Variants in SAMD4B observed in about 807,000 individuals in gnomAD.
The protein encoded by SAMD4B is sterile alpha motif domain containing 4B.
A neutral mutation model predicts 74.5 loss-of-function variants in SAMD4B; 5 were observed. The ratio of observed to expected loss-of-function variants is 0.07; its 90% confidence interval spans 0.04 to 0.14. The LOEUF is 0.14. Ranked by LOEUF, SAMD4B falls within the 10% of genes least tolerant of loss-of-function variation. The probability of loss-of-function intolerance (pLI) is 1.00; values close to 1 mark genes in which losing one functional copy is unlikely to be tolerated. For synonymous variants in SAMD4B, 373 were observed against 374.9 expected (o/e 1.00, Z 0.06); for missense variants, 608 against 921.8 (o/e 0.66, Z 4.41).
chr19:39,369,288 ACCT>A (rs1279157372), intron 3 of SAMD4B: 1 of 291,968 alleles, frequency 3.4e-6, no homozygotes. Flanking sequence ...CAGTATGGTG[ACCT>A]CCTAGGAGTG....
At chr19:39,389,568 G>A (rs754840514), downstream of SAMD4B, 1 of 1,614,168 alleles carries the variant, frequency 6.2e-7, no homozygotes, top group Non-Finnish European at 8.5e-7. The surrounding 1 kb of genome is among the most constrained non-coding windows in gnomAD (Gnocchi z 5.3). Flanking sequence ...CGGGGGGCAG[G>A]AGGACCATGA....
chr19:39,349,203 GA>G (rs1385630162), intron 1 of SAMD4B, among the ~76,000 whole-genome samples: 1 of 152,172 alleles, frequency 6.6e-6, no homozygotes, highest in African/African-American at 2.4e-5. Context: ...TTGGGAAATG[GA>G]AGAAGTCAAA....
chr19:39,386,863 C>G, downstream of SAMD4B: 1 of 1,105,104 alleles, frequency 9.0e-7, no homozygotes. The surrounding 1 kb of genome is among the most constrained non-coding windows in gnomAD (Gnocchi z 6.1). Flanking sequence ...CTCCCACTTC[C>G]CCGCCCCCCA....
At chr19:39,390,292 A>G (rs201803043), downstream of SAMD4B, 35 of 1,611,122 alleles carry the variant, frequency 2.2e-5, no homozygotes, top group East Asian at 7.6e-4. Flanking sequence ...AATTGGGCCT[A>G]GTGGAGAAGA....
At chr19:39,382,305 A>G (rs1345620236) in intron 12 of SAMD4B, among the ~76,000 whole-genome samples, 1 of 152,178 alleles carries the variant, frequency 6.6e-6, no homozygotes, top group Non-Finnish European at 1.5e-5. Context: ...TCTCTTTACC[A>G]GCATGCTGTG....
At chr19:39,390,169 C>G (rs747366818), downstream of SAMD4B, 2 of 1,613,446 alleles carry the variant, frequency 1.2e-6, no homozygotes, top group African/African-American at 1.3e-5. Context: ...GACCTAGGAA[C>G]ATTAGTGGCT....
At chr19:39,344,510 T>C (rs1162214469) in intron 1 of SAMD4B, among the ~76,000 whole-genome samples, 2 of 152,158 alleles carry the variant, frequency 1.3e-5, no homozygotes, top group Non-Finnish European at 2.9e-5. Flanking sequence ...TCCTGAGACT[T>C]CCTCAGAACT....
intron 12 of SAMD4B, among the ~76,000 whole-genome samples, chr19:39,382,733 C>G (rs1215555365): frequency 2.6e-5 from 4 of 152,140 alleles, no homozygotes; most frequent in African/African-American, 9.7e-5. Context: ...CTACTTTGCC[C>G]CCACCTGCCT....
intron 3 of SAMD4B, among the ~76,000 whole-genome samples, chr19:39,362,687 A>G (rs566896855): frequency 6.6e-6 from 1 of 152,176 alleles, no homozygotes; most frequent in Non-Finnish European, 1.5e-5. Flanking sequence ...GGCTGTTCCT[A>G]TGGACAGGAG....
chr19:39,380,967 C>A, intron 11 of SAMD4B, 23 bp from the exon 12 acceptor site: 1 of 1,585,802 alleles, frequency 6.3e-7, no homozygotes, highest in Non-Finnish European at 8.6e-7. Context: ...TCACTACTTT[C>A]TCTCTTCCTG....
Position 39,378,736 on chromosome 19 carries a change from T to G in SAMD4B, c.1530+147T>G. Reference sequence around the variant, plus strand: ...TCCTGGCTAACACAGTGAAACCCAGTCTTTACTAAAAATACAAAAAATTAG... The same window carrying G: ...TCCTGGCTAACACAGTGAAACCCAGGCTTTACTAAAAATACAAAAAATTAG... On this transcript the variant is annotated intron_variant, in intron 9 of 13. Coordinates refer to ENST00000610417, the MANE Select transcript of SAMD4B (RefSeq NM_001384574.2). The surrounding 1 kb of genome is among the most constrained non-coding windows in gnomAD (Gnocchi z 4.4). 1 of 616,262 alleles carries G rather than the reference T, an allele frequency of 1.6e-6. No individual in the cohort carries two copies. The highest frequency in any genetic ancestry group is 1.9e-5 in the South Asian group (1 of 52,054). 38.2% of individuals were successfully genotyped at this position (616,262 alleles called of 1,614,324 possible). A position where few individuals can be genotyped will look rare whatever the true frequency, so the allele number is the denominator to read the frequency against.
chr19:39,379,075 G>C, intron 9 of SAMD4B, among the ~76,000 whole-genome samples: 1 of 149,448 alleles, frequency 6.7e-6, no homozygotes, highest in Non-Finnish European at 1.5e-5. Flanking sequence ...TTTTTTAATA[G>C]AGACGAGGTC....
intron 1 of SAMD4B, among the ~76,000 whole-genome samples, chr19:39,353,604 T>G (rs1395658061): frequency 6.6e-6 from 1 of 152,140 alleles, no homozygotes; most frequent in East Asian, 1.9e-4. Context: ...TTTTTTTGTT[T>G]TCTTGTTTTC....
At chr19:39,371,167 AG>A (rs2145703869) in intron 4 of SAMD4B, among the ~76,000 whole-genome samples, 1 of 152,352 alleles carries the variant, frequency 6.6e-6, no homozygotes, top group South Asian at 2.1e-4. Flanking sequence ...TGTAAACCTC[AG>A]AGTAGCTAGT....
chr19:39,369,380 A>G, intron 3 of SAMD4B: 1 of 461,038 alleles, frequency 2.2e-6, no homozygotes, highest in South Asian at 2.3e-5. Context: ...CGTGCTGATC[A>G]ATAGTGGGAT....
At chr19:39,386,624 T>C, downstream of SAMD4B, 2 of 1,608,224 alleles carry the variant, frequency 1.2e-6, no homozygotes, top group Non-Finnish European at 8.5e-7. This position sits in a 1 kb window ranked among gnomAD's most constrained non-coding sequence, Gnocchi z 6.1. Context: ...TGCTGGGTTT[T>C]TGTCCCCCTC....
intron 3 of SAMD4B, among the ~76,000 whole-genome samples, chr19:39,357,589 A>G (rs1043941387): frequency 2.0e-5 from 3 of 152,200 alleles, no homozygotes; most frequent in Middle Eastern, 3.2e-3. Flanking sequence ...TCAGTTCCCT[A>G]AGTACTTATT....
At chr19:39,352,624 T>C (rs2076111432) in intron 1 of SAMD4B, 1 of 152,178 alleles carries the variant, frequency 6.6e-6, no homozygotes, top group Non-Finnish European at 1.5e-5. Context: ...ATAGTCCCAG[T>C]TGGCCTGCTT....
At chr19:39,370,261 G>A (rs910381207) in intron 4 of SAMD4B, 136 bp downstream of exon 4, 24 of 824,476 alleles carry the variant, frequency 2.9e-5, no homozygotes, top group Non-Finnish European at 4.7e-5. Flanking sequence ...GCAATGCAGA[G>A]GCTGTGAACT....
Sources: allele counts gnomAD v4.1 joint callset (sites outside exome capture counted in the v4.1 genomes callset), GRCh38; gene constraint gnomAD v4.1.1; non-coding constraint Gnocchi (gnomAD v3.1); transcripts MANE v1.5; gene names NCBI Gene and HGNC (gene_info 2026-07-23, HGNC 2026-07-21).